NEK11: variants seen among roughly 807,000 people sequenced by gnomAD.
The protein encoded by NEK11 is serine/threonine-protein kinase Nek11.
Under a neutral mutation model 80.7 loss-of-function variants are expected in NEK11, and 72 were observed. That is an observed-to-expected ratio of 0.89 (90% CI 0.74 to 1.08). NEK11 has a LOEUF of 1.08. Ranked by LOEUF, NEK11 falls within the 50% of genes least tolerant of loss-of-function variation. The pLI, the probability that NEK11 is intolerant of heterozygous loss-of-function variation, is 0.00. For missense variants in NEK11, 764 were observed against 763.6 expected, an observed-to-expected ratio of 1.00 and a Z score of -0.01; for synonymous variants, 251 against 260.7, an observed-to-expected ratio of 0.96 and a Z score of 0.36.
intron 3 of NEK11, among the ~76,000 whole-genome samples, chr3:131,077,524 A>G (rs1256506617): frequency 1.3e-5 from 2 of 152,140 alleles, no homozygotes; most frequent in Non-Finnish European, 2.9e-5. Flanking sequence ...TTTACATTTT[A>G]TATGTAAAAT....
intron 14 of NEK11, among the ~76,000 whole-genome samples, chr3:131,194,316 A>G (rs1246443157): frequency 1.3e-5 from 2 of 152,186 alleles, no homozygotes; most frequent in East Asian, 3.8e-4. Context: ...TTAATGTACA[A>G]TTGGAATAAA....
At chr3:131,305,527 T>G (rs1324105500) in intron 17 of NEK11, among the ~76,000 whole-genome samples, 1 of 152,024 alleles carries the variant, frequency 6.6e-6, no homozygotes, top group Non-Finnish European at 1.5e-5. Context: ...AAGGTTAAAG[T>G]CTCCTAAAGG....
At chr3:131,148,540 A>G (rs937613909) in intron 7 of NEK11, among the ~76,000 whole-genome samples, 1 of 151,910 alleles carries the variant, frequency 6.6e-6, no homozygotes, top group African/African-American at 2.4e-5. Flanking sequence ...TGAGAAGATA[A>G]AGGTAGCCAC....
At chr3:131,256,713 G>A (rs1315671517) in intron 16 of NEK11, among the ~76,000 whole-genome samples, 1 of 152,112 alleles carries the variant, frequency 6.6e-6, no homozygotes, top group East Asian at 1.9e-4. Flanking sequence ...TCTCTCATGA[G>A]TTTGCAGTTA....
Position 131,106,157 on chromosome 3 carries a change from C to A in NEK11, c.337-3646C>A, listed in dbSNP as rs1013104565. Among the ~76,000 whole-genome samples the A allele has an allele frequency of 5.3e-5, 8 of 152,176 alleles. No individual in the cohort carries two copies. In the South Asian group the frequency reaches 6.2e-4, roughly 12 times the overall value. On this transcript the variant is annotated intron_variant, in intron 4 of 17. Coordinates refer to ENST00000383366, the MANE Select transcript of NEK11 (RefSeq NM_024800.5). ...AACCTGTGAATTATAATTCTAGGAG[C>A]ATGTACTTTTTTATAATACATTTTT...
At chr3:131,246,876 C>A (rs1039868800) in intron 16 of NEK11, among the ~76,000 whole-genome samples, 3 of 152,136 alleles carry the variant, frequency 2.0e-5, no homozygotes, top group African/African-American at 7.2e-5. Flanking sequence ...TGATGTTGAG[C>A]ATTTTTTCAT....
intron 14 of NEK11, among the ~76,000 whole-genome samples, chr3:131,224,319 C>T (rs188013748): frequency 1.3e-5 from 2 of 152,184 alleles, no homozygotes; most frequent in East Asian, 3.9e-4. Flanking sequence ...CCTCCACCTT[C>T]CAGGCTCAAG....
At chr3:131,055,682 A>G (rs554504422) in intron 3 of NEK11, among the ~76,000 whole-genome samples, 2 of 152,306 alleles carry the variant, frequency 1.3e-5, no homozygotes, top group East Asian at 3.9e-4. Flanking sequence ...GCAAACTATG[A>G]TTGCACCACT....
At chr3:131,311,132 G>A (rs750744698) in intron 17 of NEK11, among the ~76,000 whole-genome samples, 2 of 151,756 alleles carry the variant, frequency 1.3e-5, no homozygotes, top group Non-Finnish European at 1.5e-5. Context: ...TTTTTAAACC[G>A]ATGCATAATA....
At chr3:131,135,709 A>G (rs1040125729) in intron 7 of NEK11, among the ~76,000 whole-genome samples, 2 of 152,126 alleles carry the variant, frequency 1.3e-5, no homozygotes, top group African/African-American at 4.8e-5. Context: ...AGATTCAAAT[A>G]TATATCTTTA....
At chr3:131,054,768 A>G (rs2069083841) in intron 3 of NEK11, among the ~76,000 whole-genome samples, 1 of 137,488 alleles carries the variant, frequency 7.3e-6, no homozygotes, top group Non-Finnish European at 1.6e-5. Context: ...AAATAAATAA[A>G]TAAATAAATA....
intron 7 of NEK11, among the ~76,000 whole-genome samples, chr3:131,136,472 T>C (rs577247000): frequency 1.3e-5 from 2 of 152,320 alleles, no homozygotes; most frequent in South Asian, 2.1e-4. Flanking sequence ...GAAACACTTA[T>C]GAATAATTGA....
chr3:131,149,788 A>G (rs1291757274), intron 7 of NEK11, among the ~76,000 whole-genome samples: 1 of 152,020 alleles, frequency 6.6e-6, no homozygotes, highest in African/African-American at 2.4e-5. Context: ...CTAGAAATCT[A>G]TTAAATGTAT....
intron 17 of NEK11, among the ~76,000 whole-genome samples, chr3:131,343,704 G>C (rs2097319934): frequency 6.6e-6 from 1 of 152,224 alleles, no homozygotes; most frequent in Non-Finnish European, 1.5e-5. Flanking sequence ...AGCTGCCAGA[G>C]CTTATGGCTT....
At chr3:131,260,962 T>C (rs1477231150) in intron 16 of NEK11, among the ~76,000 whole-genome samples, 2 of 152,190 alleles carry the variant, frequency 1.3e-5, no homozygotes, top group African/African-American at 2.4e-5. Flanking sequence ...GCATCAGCTC[T>C]TTATTACCCA....
In NEK11 at chr3:131,206,165, C is replaced by T. The variant is rs939341939; in HGVS notation, c.1400-22363C>T. Among the ~76,000 whole-genome samples the T allele has an allele frequency of 2.6e-5, 4 of 152,282 alleles. No homozygotes were observed. The East Asian group carries it at 5.8e-4, about 22-fold the overall frequency. On this transcript the variant is annotated intron_variant, in intron 14 of 17. Coordinates refer to ENST00000383366, the MANE Select transcript of NEK11 (RefSeq NM_024800.5). ...ACCTGGTTCTGTCCATGGTGGGCAT[C>T]AGTGTCTTCACCCAAATAGTCAGGC...
chr3:131,028,285 C>T (rs576944806), intron 2 of NEK11, among the ~76,000 whole-genome samples: 1 of 152,162 alleles, frequency 6.6e-6, no homozygotes, highest in South Asian at 2.1e-4. Context: ...GTTAATTGCC[C>T]TAGTAGTTTT....
intron 14 of NEK11, among the ~76,000 whole-genome samples, chr3:131,215,536 G>A (rs914864719): frequency 2.0e-5 from 3 of 152,140 alleles, no homozygotes; most frequent in Admixed American, 2.0e-4. Context: ...GCTGGGGTTG[G>A]GCATTTATTC....
chr3:131,190,792 C>CTTT (rs1409588467), intron 14 of NEK11, among the ~76,000 whole-genome samples: 3 of 151,996 alleles, frequency 2.0e-5, no homozygotes, highest in Admixed American at 6.6e-5. Context: ...ATTCTGAAGA[C>CTTT]TAAAAGATCT....
Sources: allele counts gnomAD v4.1 joint callset (sites outside exome capture counted in the v4.1 genomes callset), GRCh38; gene constraint gnomAD v4.1.1; transcripts MANE v1.5; gene names NCBI Gene and HGNC (gene_info 2026-07-23, HGNC 2026-07-21).